The following TLL1 variants were observed in gnomAD, a reference collection of about 807,000 sequenced individuals.
The protein encoded by TLL1 is tolloid like 1.
A neutral mutation model predicts 128.2 loss-of-function variants in TLL1; 49 were observed. The ratio of observed to expected loss-of-function variants is 0.38; its 90% CI spans 0.30 to 0.48. TLL1 has a LOEUF of 0.48. Ranked by LOEUF, TLL1 falls within the 20% of genes least tolerant of loss-of-function variation. The probability of loss-of-function intolerance (pLI) is 0.96; values close to 1 mark genes in which losing one functional copy is unlikely to be tolerated. For missense variants in TLL1, 1,123 were observed against 1,242.0 expected (o/e 0.90, Z 1.44); for synonymous variants, 454 against 418.8 (o/e 1.08, Z -1.03).
At position 165,889,248 on chromosome 4, in the gene TLL1, G is replaced by A. The variant is rs80255060; in HGVS notation, c.169+15175G>A. ...TGGCTTTATTTGAAACTCATTTATC[G>A]TTATATATCAAATATAACCCTAAGG... is the stretch of plus-strand genomic sequence containing the variant. On this transcript the variant is annotated intron_variant, in intron 1 of 20. Transcript: ENST00000061240. Among the ~76,000 whole-genome samples, 1,104 of 152,068 alleles carry A rather than the reference G, an allele frequency of 7.3e-3. 28 individuals are homozygous for A. Among genetic ancestry groups the A allele is most frequent in the East Asian group, 0.058 (301 of 5,168 alleles).
chr4:165,902,887 T>G (rs1244662835), intron 1 of TLL1, among the ~76,000 whole-genome samples: 1 of 152,182 alleles, frequency 6.6e-6, no homozygotes, highest in Non-Finnish European at 1.5e-5. Context: ...TTCTAAAACT[T>G]GTTTAAGAAA....
intron 9 of TLL1, among the ~76,000 whole-genome samples, chr4:166,026,654 T>A (rs1429989731): frequency 1.3e-5 from 2 of 151,700 alleles, no homozygotes; most frequent in African/African-American, 4.8e-5. Flanking sequence ...GCCGTTGCAC[T>A]GCAGCCTGGA....
chr4:165,878,616 C>G (rs1730826203), intron 1 of TLL1, among the ~76,000 whole-genome samples: 1 of 152,064 alleles, frequency 6.6e-6, no homozygotes, highest in African/African-American at 2.4e-5. Flanking sequence ...TGAGCAAGGT[C>G]AAAAGCTCTT....
chr4:166,100,656 A>G (rs947999344), intron 20 of TLL1, 86 bp from the exon 21 acceptor site: 1 of 1,542,982 alleles, frequency 6.5e-7, no homozygotes, highest in Non-Finnish European at 8.9e-7. Flanking sequence ...TCCAAAGACA[A>G]GTATTCCCAA....
intron 1 of TLL1, among the ~76,000 whole-genome samples, chr4:165,946,499 A>ATT (rs59178153): frequency 3.6e-4 from 46 of 128,948 alleles, no homozygotes; most frequent in South Asian, 7.3e-4. Context: ...TACCCAGCTA[A>ATT]TTTTTTTTTT....
In TLL1 at chr4:165,910,799, TGA is replaced by T. The variant is rs140990436; in HGVS notation, c.169+36729_169+36730del. ...ATAGCCCATTATCCAATTTTACACA[TGA>T]GAACACTGGGGCTTATCAAGATTAA... On this transcript the variant is annotated intron_variant, in intron 1 of 20. Transcript: ENST00000061240. Among the ~76,000 whole-genome samples the T allele has an allele frequency of 4.3e-3, 659 of 152,338 alleles. 3 individuals carry two copies. The highest frequency in any genetic ancestry group is 0.014 in the African/African-American group (579 of 41,576).
Position 166,043,505 on chromosome 4 carries a change from A to G in TLL1, c.1524+86A>G, listed in dbSNP as rs1282717754. The G allele has an allele frequency of 7.6e-6, 12 of 1,579,332 alleles. 1 individual carries two copies. The highest frequency in any genetic ancestry group is 2.2e-5 in the South Asian group (2 of 90,026). On this transcript the variant is annotated intron_variant, in intron 12 of 20. Transcript: ENST00000061240. The stretch of plus-strand genomic sequence containing the variant: ...GAGAATCCTCATTAAATCAGCAAAG[A>G]AACAGAGAGTCAGCCTTTTAATCAG...
At chr4:165,972,985 T>TTCTC (rs3048237) in intron 1 of TLL1, among the ~76,000 whole-genome samples, 113,007 of 151,606 alleles carry the variant, frequency 0.75, 42,590 homozygotes, top group African/African-American at 0.86. Context: ...GCATGCTTAC[T>TTCTC]TGAGCCTTTT....
chr4:166,003,482 TTG>T lies in TLL1; in HGVS notation c.725_726del (p.Leu242TrpfsTer9). On this transcript the variant is annotated frameshift_variant, in exon 6 of 21. Coordinates refer to ENST00000061240, the MANE Select transcript of TLL1 (RefSeq NM_012464.5). LOFTEE classifies it high-confidence loss of function. Reference sequence around the variant, plus strand: ...TAAATTTGGGATTGTTGTTCATGAATTGGGTCATGTGATAGGCTTTTGGCATG... The same window carrying T: ...TAAATTTGGGATTGTTGTTCATGAATGGTCATGTGATAGGCTTTTGGCATG... Reference protein sequence around the residue: ...CDKFGIVVHELGHVIGFWHEH... With the variant: ...CDKFGIVVHEXGHVIGFWHEH... 6.2e-7 allele frequency: 1 copy of T among 1,614,050 alleles called. No individual in the cohort carries two copies. Among genetic ancestry groups the T allele is most frequent in the African/African-American group, 1.3e-5 (1 of 75,038 alleles).
At chr4:165,901,514 C>A (rs1404400566) in intron 1 of TLL1, among the ~76,000 whole-genome samples, 2 of 152,178 alleles carry the variant, frequency 1.3e-5, no homozygotes, top group Non-Finnish European at 1.5e-5. Flanking sequence ...TGCTGGAGGT[C>A]TGCTAGATTT....
chr4:165,903,412 G>GTTTT (rs563542442), intron 1 of TLL1, among the ~76,000 whole-genome samples: 7 of 125,324 alleles, frequency 5.6e-5, no homozygotes, highest in East Asian at 2.5e-4. Flanking sequence ...TCTTTTTCTT[G>GTTTT]TTTTTTTTTT....
intron 1 of TLL1, among the ~76,000 whole-genome samples, chr4:165,985,310 GTCAGTGTGCTC>G (rs1287588159): frequency 6.6e-6 from 1 of 151,960 alleles, no homozygotes; most frequent in African/African-American, 2.4e-5. Context: ...CAATTTTCTT[GTCAGTGTGCTC>G]TCGACTGGTA....
chr4:165,929,048 C>T lies in TLL1; in HGVS notation c.169+54975C>T, dbSNP rs28633958. Among the ~76,000 whole-genome samples the T allele has an allele frequency of 7.4e-3, 1,121 of 152,234 alleles. 22 individuals carry two copies. The highest frequency in any genetic ancestry group is 0.026 in the African/African-American group (1,086 of 41,534). ...CATCCCATTGAGCCCTTCTACACCA[C>T]GTGGAGAAGTTGACGGCAGAAATAG... On this transcript the variant is annotated intron_variant, in intron 1 of 20. Transcript: ENST00000061240.
At chr4:165,979,386 A>G (rs947506558) in intron 1 of TLL1, among the ~76,000 whole-genome samples, 6 of 152,128 alleles carry the variant, frequency 3.9e-5, no homozygotes, top group African/African-American at 1.4e-4. Context: ...TATATTAAAT[A>G]TTATGCAAAA....
intron 1 of TLL1, among the ~76,000 whole-genome samples, chr4:165,960,521 T>G (rs1448975755): frequency 1.3e-5 from 2 of 152,022 alleles, no homozygotes; most frequent in African/African-American, 4.8e-5. Flanking sequence ...AAAAGAAGAC[T>G]TCAAGCCAAT....
Position 166,101,169 on chromosome 4 carries a change from C to T in TLL1, c.*293C>T, listed in dbSNP as rs1157317580. 2 of 368,826 alleles carry T rather than the reference C, an allele frequency of 5.4e-6. No individual in the cohort carries two copies. Among genetic ancestry groups the T allele is most frequent in the South Asian group, 2.6e-5 (1 of 38,498 alleles). The allele number at this position is 368,826 out of a possible 1,614,324, so 22.8% of individuals were successfully genotyped here. On this transcript the variant is annotated 3_prime_UTR_variant, in exon 21 of 21. Transcript: ENST00000061240. ...TGTTCACAGCTTGAAATAGATGCCTCACAATTCAGACAGTTTAATTCAGGA... is the reference window on the plus strand; with the variant it reads ...TGTTCACAGCTTGAAATAGATGCCTTACAATTCAGACAGTTTAATTCAGGA...
chr4:166,099,285 G>A lies in TLL1; in HGVS notation c.2665G>A (p.Gly889Arg), dbSNP rs376169735. 3.4e-5 allele frequency: 55 copies of A among 1,613,452 alleles called. No individual in the cohort carries two copies. Among genetic ancestry groups the A allele is most frequent in the Admixed American group, 2.2e-4 (13 of 59,956 alleles). The change falls in exon 20 of 21, where the codon GGA becomes AGA. Residue 889 changes from glycine (G) to arginine (R), a missense_variant. Coordinates refer to ENST00000061240, the MANE Select transcript of TLL1 (RefSeq NM_012464.5). ...FQATHSTECG[G>R]RLKAESKPRD... ...TTTTCTTTCCTGGGCAGAGTGTGGC[G>A]GACGATTGAAAGCAGAATCAAAACC...
At chr4:166,038,673 G>A (rs1739107299) in intron 9 of TLL1, among the ~76,000 whole-genome samples, 1 of 152,148 alleles carries the variant, frequency 6.6e-6, no homozygotes, top group Non-Finnish European at 1.5e-5. Flanking sequence ...TTACGCAACA[G>A]CATCATTTTG....
intron 1 of TLL1, among the ~76,000 whole-genome samples, chr4:165,952,546 T>G (rs1216306266): frequency 1.3e-5 from 2 of 152,130 alleles, no homozygotes; most frequent in Admixed American, 6.6e-5. Flanking sequence ...TAATTTCCCT[T>G]GCATCTCACA....
Sources: allele counts gnomAD v4.1 joint callset (sites outside exome capture counted in the v4.1 genomes callset), GRCh38; gene constraint gnomAD v4.1.1; transcripts MANE v1.5; gene names NCBI Gene and HGNC (gene_info 2026-07-23, HGNC 2026-07-21).